CPLANE1: variants seen among roughly 807,000 people sequenced by gnomAD.
The protein encoded by CPLANE1 is ciliogenesis and planar polarity effector 1.
Under a neutral mutation model 362.5 loss-of-function variants are expected in CPLANE1, and 263 were observed. That is an observed-to-expected ratio of 0.73 (90% CI 0.66 to 0.80). The LOEUF (loss-of-function observed/expected upper bound fraction) is 0.80. Ranked by LOEUF, CPLANE1 falls within the 30% of genes least tolerant of loss-of-function variation. The pLI, the probability that CPLANE1 is intolerant of heterozygous loss-of-function variation, is 0.00. For missense variants in CPLANE1, 3,461 were observed against 3,793.4 expected (o/e 0.91, Z 2.30); for synonymous variants, 1,212 against 1,302.6 (o/e 0.93, Z 1.50).
intron 12 of CPLANE1, among the ~76,000 whole-genome samples, chr5:37,225,955 G>A (rs1177143097): frequency 1.4e-5 from 2 of 147,856 alleles, no homozygotes; most frequent in East Asian, 4.0e-4. Context: ...AATATGTATT[G>A]TACAACATTT....
At chr5:37,247,218 C>T (rs934092397) in intron 2 of CPLANE1, among the ~76,000 whole-genome samples, 1 of 152,132 alleles carries the variant, frequency 6.6e-6, no homozygotes, top group Non-Finnish European at 1.5e-5. Flanking sequence ...TCCTAGTTTC[C>T]AAGAACACTT....
chr5:37,211,693 C>A (rs1792654915), intron 16 of CPLANE1: 2 of 783,982 alleles, frequency 2.6e-6, no homozygotes, highest in Non-Finnish European at 4.7e-6. Flanking sequence ...CCATCACCCG[C>A]TGAGTCTAGG....
chr5:37,136,276 A>C (rs1161485569), intron 46 of CPLANE1, among the ~76,000 whole-genome samples: 1 of 152,236 alleles, frequency 6.6e-6, no homozygotes, highest in East Asian at 1.9e-4. Context: ...AGCCTCATAC[A>C]AGTCCAAAAT....
At chr5:37,125,443 T>TAAGCAGATAAGATCTGC (rs1561329086) in intron 46 of CPLANE1, 34 bp from the exon 47 acceptor site, 1 of 1,593,226 alleles carries the variant, frequency 6.3e-7, no homozygotes, top group East Asian at 2.3e-5. Flanking sequence ...ATCATTTGCT[T>TAAGCAGATAAGATCTGC]TTAAATTTGT....
In CPLANE1 at chr5:37,227,385, C is replaced by T. The variant is rs1796679818; in HGVS notation, c.1379G>A (p.Gly460Asp). ...CAGTGATCGCAAGTTCAGTCCTTTG[C>T]CTTTTGGCTAAAGAAGAAAAGATGA... ...YQSVILSKPK[G>D]KGLNLRSLNS... Residue 460 changes from glycine (G) to aspartate (D), a missense_variant, in exon 11 of 53, where the codon GGC (glycine) becomes GAC (aspartate). Gly to Asp is a moderately conservative substitution (Grantham distance 94). Around this residue, in one of 2 missense-constraint regions of CPLANE1, gnomAD observed 3,380 missense variants for 3,666.1 expected, o/e 0.92. Transcript: ENST00000651892. 6.5e-7 allele frequency: 1 copy of T among 1,528,216 alleles called. No individual in the cohort carries two copies. 94.7% of individuals were successfully genotyped at this position (1,528,216 alleles called of 1,614,324 possible).
chr5:37,111,596 A>G (rs1759363666), intron 51 of CPLANE1, among the ~76,000 whole-genome samples: 1 of 152,238 alleles, frequency 6.6e-6, no homozygotes, highest in Non-Finnish European at 1.5e-5. Flanking sequence ...TGGTACAGAC[A>G]GCTTAGGGAT....
chr5:37,161,591 G>GA, intron 38 of CPLANE1, among the ~76,000 whole-genome samples: 1 of 152,142 alleles, frequency 6.6e-6, no homozygotes, highest in Non-Finnish European at 1.5e-5. Flanking sequence ...AAGGTACTTG[G>GA]AAAAAAATAA....
chr5:37,090,499 A>G, the CPLANE1 span, among the ~76,000 whole-genome samples: 1 of 152,314 alleles, frequency 6.6e-6, no homozygotes, highest in East Asian at 1.9e-4. Context: ...TTAATCTGCA[A>G]ATAGCTTTCT....
chr5:37,172,794 T>C lies in CPLANE1; in HGVS notation c.6171+961A>G, dbSNP rs545862787. Among the ~76,000 whole-genome samples the C allele has an allele frequency of 2.4e-3, 362 of 152,264 alleles. 1 individual carries two copies. The highest frequency in any genetic ancestry group is 3.4e-3 in the Non-Finnish European group (230 of 68,030). ...TGAGGTCAGGAGTTCGAGACCAGCC[T>C]GGCCAACATGGCGAAACTCCATCTT... On this transcript the variant is annotated intron_variant, in intron 32 of 52. Transcript: ENST00000651892.
At chr5:37,165,890 AT>A (rs1461790625) in intron 35 of CPLANE1, among the ~76,000 whole-genome samples, 1 of 152,206 alleles carries the variant, frequency 6.6e-6, no homozygotes, top group Non-Finnish European at 1.5e-5. Flanking sequence ...TGAACTGACT[AT>A]TCTATATTAG....
chr5:37,146,027 GA>G (rs1435312484), intron 43 of CPLANE1, among the ~76,000 whole-genome samples: 1 of 152,092 alleles, frequency 6.6e-6, no homozygotes, highest in Non-Finnish European at 1.5e-5. Context: ...CTCAGACTCT[GA>G]AAAACACTTC....
chr5:37,093,276 C>G, the CPLANE1 span, among the ~76,000 whole-genome samples: 2 of 152,128 alleles, frequency 1.3e-5, no homozygotes, highest in Non-Finnish European at 2.9e-5. Flanking sequence ...AATTCTTGCA[C>G]GTCTGCAAGC....
At chr5:37,162,438 T>A in intron 38 of CPLANE1, 27 bp downstream of exon 38, 1 of 1,423,742 alleles carries the variant, frequency 7.0e-7, no homozygotes. Flanking sequence ...ATATATGAAT[T>A]TTTTTAAAAA....
chr5:37,221,560 C>T (rs554781436), intron 14 of CPLANE1, 72 bp from the exon 15 acceptor site: 111 of 1,038,014 alleles, frequency 1.1e-4, no homozygotes, highest in Non-Finnish European at 1.3e-4. Context: ...GCTCAATTGA[C>T]GGGAGTGTGT....
In CPLANE1 at chr5:37,142,478, G is replaced by T. The variant is rs758569421; in HGVS notation, c.8464C>A (p.Arg2822Ser). Residue 2822 changes from arginine (R) to serine (S), a missense_variant and splice_region_variant, in exon 44 of 53, where the codon CGT becomes AGT. This residue lies in a region of CPLANE1 where 3,380 missense variants were observed against 3,666.1 expected (regional missense o/e 0.92). Transcript: ENST00000651892. The stretch of plus-strand genomic sequence containing the variant: ...TCTTCATCCATATGGGTCAAAAAAC[G>T]CACTAATCCAGAGTATATATTACAA... ...SKTISISEEV[R>S]FLTHMDEEDQ... 10 of 1,576,684 alleles carry T rather than the reference G, an allele frequency of 6.3e-6. No individual in the cohort carries two copies. Among genetic ancestry groups the T allele is most frequent in the Non-Finnish European group, 8.6e-6 (10 of 1,161,752 alleles).
chr5:37,210,742 A>T lies in CPLANE1; in HGVS notation c.2920+2817T>A. ...AAATTACTTAAACAACAACTGGAAG[A>T]GAGTAGAAATGAAAACTTGCGTCTC... On this transcript the variant is annotated intron_variant, in intron 16 of 52. Coordinates refer to ENST00000651892, the MANE Select transcript of CPLANE1 (RefSeq NM_001384732.1). 9 of 1,571,438 alleles carry T rather than the reference A, an allele frequency of 5.7e-6. No individual in the cohort carries two copies. In the South Asian group the frequency reaches 1.0e-4, roughly 17 times the overall value.
chr5:37,157,794 C>T lies in CPLANE1; in HGVS notation c.7887G>A (p.Glu2629=). 1.9e-6 allele frequency: 3 copies of T among 1,613,616 alleles called. No homozygotes were observed. The South Asian group carries it at 3.3e-5, about 18-fold the overall frequency. The change falls in exon 40 of 53, where the codon GAG becomes GAA. Residue 2629 remains glutamate (E), a synonymous_variant. Coordinates refer to ENST00000651892, the MANE Select transcript of CPLANE1 (RefSeq NM_001384732.1). ...DLLQELPVRE[E]PSNDNVIKQQ... ...GTTTGATAACATTATCATTTGAAGG[C>T]TCTTCTCTCACAGGTAATTCCTGTA...
intron 47 of CPLANE1, among the ~76,000 whole-genome samples, chr5:37,122,859 C>T (rs143913143): frequency 0.034 from 5,232 of 151,872 alleles, 318 homozygotes; most frequent in African/African-American, 0.12. Context: ...CCAGCCTGGG[C>T]AACAGAGCAA....
intron 2 of CPLANE1, 24 bp from the exon 3 acceptor site, chr5:37,245,869 A>G (rs1463167166): frequency 1.4e-6 from 2 of 1,466,498 alleles, no homozygotes; most frequent in Non-Finnish European, 1.8e-6. Flanking sequence ...CATGTGAAGG[A>G]CTCAAGAGGT....
Sources: allele counts gnomAD v4.1 joint callset (sites outside exome capture counted in the v4.1 genomes callset), GRCh38; gene constraint gnomAD v4.1.1; regional missense constraint gnomAD v4.1.1; transcripts MANE v1.5; gene names NCBI Gene and HGNC (gene_info 2026-07-23, HGNC 2026-07-21).